ZSCAN20: variants seen among roughly 807,000 people sequenced by gnomAD.
ZSCAN20 encodes the protein zinc finger and SCAN domain-containing protein 20.
A neutral mutation model predicts 97.1 loss-of-function variants in ZSCAN20; 39 were observed. That is an observed-to-expected ratio of 0.40 (90% confidence interval 0.31 to 0.52). ZSCAN20 has a LOEUF of 0.52. ZSCAN20 is among the 20% of genes least tolerant of loss of function. The probability of loss-of-function intolerance (pLI) is 0.49; values close to 1 mark genes in which losing one functional copy is unlikely to be tolerated. For synonymous variants in ZSCAN20, 456 were observed against 467.3 expected (o/e 0.98, Z 0.31); for missense variants, 1,115 against 1,290.4 (o/e 0.86, Z 2.08).
rs1454870040 is a variant in ZSCAN20 at position 33,494,206 on chromosome 1, C to T, written c.1874-12C>T. On this transcript the variant is annotated splice_polypyrimidine_tract_variant and intron_variant, in intron 7 of 7. Coordinates refer to ENST00000684572, the MANE Select transcript of ZSCAN20 (RefSeq NM_001377376.1). ...GAGTGAAGAAAAACTGCATTTCTGT[C>T]CATTTTTTCAGGTTTTGAAATGAGG... 1.3e-6 allele frequency: 2 copies of T among 1,544,224 alleles called. No homozygotes were observed. The highest frequency in any genetic ancestry group is 1.7e-6 in the Non-Finnish European group (2 of 1,147,236).
Position 33,495,271 on chromosome 1 carries a change from C to T in ZSCAN20, c.2927C>T (p.Thr976Ile), listed in dbSNP as rs760338598. 12 of 1,611,820 alleles carry T rather than the reference C, an allele frequency of 7.4e-6. No homozygotes were observed. Among genetic ancestry groups the T allele is most frequent in the Non-Finnish European group, 1.0e-5 (12 of 1,178,630 alleles). ...TTCCGTGACCGTTCTAACCTCATTACTCACCAGAGGATTCATACGGGAGAG... is the reference window on the plus strand; with the variant it reads ...TTCCGTGACCGTTCTAACCTCATTATTCACCAGAGGATTCATACGGGAGAG... ...KFFRDRSNLI[T>I]HQRIHTGEKP... Residue 976 changes from threonine (T) to isoleucine (I), a missense_variant, in exon 8 of 8, where the codon ACT (threonine) becomes ATT (isoleucine). Transcript: ENST00000684572.
rs1557443763 is a variant in ZSCAN20, at chr1:33,491,541, C to A, written c.1283C>A (p.Pro428His). Residue 428 changes from proline (P) to histidine (H), a missense_variant, in exon 6 of 8, where the codon CCC becomes CAC. Transcript: ENST00000684572. The surrounding 1 kb of genome is among the most constrained non-coding windows in gnomAD (Gnocchi z 4.3). ...GGCCCAGGAGAGGCCGTGGCACTTC[C>A]CAGGCTCGGGTATAGTGACGCAGAG... ...TDGPGEAVAL[P>H]RLGYSDAEMD... 1.2e-6 allele frequency: 2 copies of A among 1,614,046 alleles called. 1 individual carries two copies. The highest frequency in any genetic ancestry group is 1.7e-6 in the Non-Finnish European group (2 of 1,179,948).
At chr1:33,489,849 C>T (rs576870914) in intron 5 of ZSCAN20, among the ~76,000 whole-genome samples, 2 of 152,244 alleles carry the variant, frequency 1.3e-5, no homozygotes, top group South Asian at 4.1e-4. Flanking sequence ...TACCTCAGTC[C>T]ATTCACCACA....
Position 33,495,402 on chromosome 1 carries a change from T to A in ZSCAN20, c.3058T>A (p.Cys1020Ser). The change falls in exon 8 of 8, where the codon TGT becomes AGT. Residue 1020 changes from cysteine to serine, a missense_variant. Cys to Ser is a moderately radical substitution (Grantham distance 112, BLOSUM62 -1). This residue lies in a region of ZSCAN20 where 554 missense variants were observed against 584.9 expected (regional missense o/e 0.95). Transcript: ENST00000684572. ...TGEKPYKCTE[C>S]GKDFNNSSHF... ...GGAGAAACCCTACAAGTGCACAGAG[T>A]GTGGCAAAGACTTCAACAACAGTTC... The A allele has an allele frequency of 6.2e-7, 1 of 1,601,714 alleles. No individual in the cohort carries two copies. The highest frequency in any genetic ancestry group is 8.5e-7 in the Non-Finnish European group (1 of 1,173,722).
In ZSCAN20 at chr1:33,499,044, C is replaced by T. The variant is rs927433300; in HGVS notation, c.*3568C>T. Reference sequence around the variant, plus strand: ...GAAGCCGAGTAAAGCAGCTAGGGTCCCTCCATGCTAAATAATGTAGTCAGG... The same window carrying T: ...GAAGCCGAGTAAAGCAGCTAGGGTCTCTCCATGCTAAATAATGTAGTCAGG... On this transcript the variant is annotated 3_prime_UTR_variant, in exon 8 of 8. Coordinates refer to ENST00000684572, the MANE Select transcript of ZSCAN20 (RefSeq NM_001377376.1). Among the ~76,000 whole-genome samples, 3 of 152,322 alleles carry T rather than the reference C, an allele frequency of 2.0e-5. No individual in the cohort carries two copies. Among genetic ancestry groups the T allele is most frequent in the African/African-American group, 7.2e-5 (3 of 41,560 alleles).
rs776100968 is a variant in ZSCAN20, at chr1:33,491,355, C to A, written c.1097C>A (p.Ala366Glu). 1 of 1,614,122 alleles carries A rather than the reference C, an allele frequency of 6.2e-7. No homozygotes were observed. Among genetic ancestry groups the A allele is most frequent in the Non-Finnish European group, 8.5e-7 (1 of 1,179,980 alleles). ...VYRAIAEQLR[A>E]RGFLRTLEQC... is the part of the protein sequence containing the mutation. The stretch of plus-strand genomic sequence containing the variant: ...CGGGCCATTGCAGAGCAGCTAAGGG[C>A]AAGGGGCTTCCTGCGGACACTGGAG... The change falls in exon 6 of 8, where the codon GCA becomes GAA. Residue 366 changes from alanine to glutamate, a missense_variant. Around this residue, in one of 3 missense-constraint regions of ZSCAN20, gnomAD observed 508 missense variants for 611.2 expected, o/e 0.83. Coordinates refer to ENST00000684572, the MANE Select transcript of ZSCAN20 (RefSeq NM_001377376.1). This position sits in a 1 kb window ranked among gnomAD's most constrained non-coding sequence, Gnocchi z 4.3.
intron 2 of ZSCAN20, among the ~76,000 whole-genome samples, chr1:33,482,938 A>G (rs1557437854): frequency 6.6e-6 from 1 of 152,092 alleles, no homozygotes; most frequent in African/African-American, 2.4e-5. Context: ...GAGTTTTAAG[A>G]GTTCTTTGTA....
At chr1:33,475,960 G>A (rs569833758) in intron 1 of ZSCAN20, among the ~76,000 whole-genome samples, 17 of 152,052 alleles carry the variant, frequency 1.1e-4, no homozygotes, top group African/African-American at 3.9e-4. Flanking sequence ...GAGCCACCGC[G>A]CCCGGCCCTC....
chr1:33,489,376 A>G, intron 4 of ZSCAN20, 142 bp from the exon 5 acceptor site: 1 of 997,162 alleles, frequency 1.0e-6, no homozygotes, highest in South Asian at 1.5e-5. Context: ...TATGTACCAA[A>G]TGGCCATCCT....
intron 2 of ZSCAN20, among the ~76,000 whole-genome samples, chr1:33,485,715 T>A (rs533134077): frequency 6.6e-6 from 1 of 152,168 alleles, no homozygotes; most frequent in Non-Finnish European, 1.5e-5. Context: ...GCCTGGACTG[T>A]CTTTTTTCTT....
At position 33,493,075 on chromosome 1, in the gene ZSCAN20, G is replaced by GT; in HGVS notation, c.1445-109dup. The GT allele has an allele frequency of 8.8e-7, 1 of 1,142,556 alleles. No individual in the cohort carries two copies. Among genetic ancestry groups the GT allele is most frequent in the Non-Finnish European group, 1.2e-6 (1 of 806,016 alleles). 70.8% of individuals were successfully genotyped at this position (1,142,556 alleles called of 1,614,324 possible). On this transcript the variant is annotated intron_variant, in intron 6 of 7. Coordinates refer to ENST00000684572, the MANE Select transcript of ZSCAN20 (RefSeq NM_001377376.1). This position sits in a 1 kb window ranked among gnomAD's most constrained non-coding sequence, Gnocchi z 4.3. ...GGGATATTCTCCAGGTACCTGGATA[G>GT]TTTCTGACATGCCTATGTTCTAGGT... is the stretch of plus-strand genomic sequence containing the variant.
intron 2 of ZSCAN20, among the ~76,000 whole-genome samples, chr1:33,482,600 T>G (rs779629013): frequency 9.8e-5 from 15 of 152,332 alleles, no homozygotes; most frequent in Non-Finnish European, 2.1e-4. Context: ...GGGACATGAT[T>G]GCTGGATCAT....
chr1:33,481,277 G>T (rs1284448000), intron 2 of ZSCAN20, among the ~76,000 whole-genome samples: 10 of 152,096 alleles, frequency 6.6e-5, no homozygotes, highest in Admixed American at 6.5e-4. Context: ...TTCAGAGTTG[G>T]GACATAAAGA....
chr1:33,499,380 C>G lies in ZSCAN20; in HGVS notation c.*3904C>G, dbSNP rs1395025056. On this transcript the variant is annotated 3_prime_UTR_variant, in exon 8 of 8. Transcript: ENST00000684572. ...TTTTCCTTTCTTTCTCTCTTTTCTTCTGTGTAGATGCTAATGACTTCCAGA... is the reference window on the plus strand; with the variant it reads ...TTTTCCTTTCTTTCTCTCTTTTCTTGTGTGTAGATGCTAATGACTTCCAGA... 6.6e-6 allele frequency among the ~76,000 whole-genome samples: 1 copy of G among 152,084 alleles called. No homozygotes were observed. Among genetic ancestry groups the G allele is most frequent in the African/African-American group, 2.4e-5 (1 of 41,416 alleles).
Position 33,495,438 on chromosome 1 carries a change from G to A in ZSCAN20, c.3094G>A (p.Ala1032Thr). 1 of 1,565,558 alleles carries A rather than the reference G, an allele frequency of 6.4e-7. No individual in the cohort carries two copies. Among genetic ancestry groups the A allele is most frequent in the Non-Finnish European group, 8.7e-7 (1 of 1,155,516 alleles). The part of the protein sequence containing the change: ...KDFNNSSHFS[A>T]HRRTHAGGKA... ...CTTCAACAACAGTTCCCACTTCAGT[G>A]CTCACCGGAGAACCCATGCAGGAGG... is the stretch of plus-strand genomic sequence containing the variant. Residue 1032 changes from alanine (A) to threonine (T), a missense_variant, in exon 8 of 8, where the codon GCT becomes ACT. By Grantham distance (58) the Ala-to-Thr change is moderately conservative (BLOSUM62 0). Around this residue, in one of 3 missense-constraint regions of ZSCAN20, gnomAD observed 554 missense variants for 584.9 expected, o/e 0.95. Coordinates refer to ENST00000684572, the MANE Select transcript of ZSCAN20 (RefSeq NM_001377376.1).
In ZSCAN20 at chr1:33,479,527, T is replaced by C; in HGVS notation, c.239T>C (p.Leu80Pro). 1 of 1,613,222 alleles carries C rather than the reference T, an allele frequency of 6.2e-7. No individual in the cohort carries two copies. The highest frequency in any genetic ancestry group is 8.5e-7 in the Non-Finnish European group (1 of 1,179,408). The change falls in exon 2 of 8, where the codon CTG becomes CCG. Residue 80 changes from leucine (L) to proline (P), a missense_variant. This residue lies in a region of ZSCAN20 where 508 missense variants were observed against 611.2 expected (regional missense o/e 0.83). Transcript: ENST00000684572. ...SQLWALCCRW[L>P]RPEIRLKEQI... ...CTCTGGGCTCTCTGCTGTCGTTGGC[T>C]GAGGCCGGAGATCCGTCTCAAAGAG...
chr1:33,488,684 C>T (rs753670331), intron 3 of ZSCAN20, 33 bp downstream of exon 3: 1 of 1,592,174 alleles, frequency 6.3e-7, no homozygotes, highest in Non-Finnish European at 8.5e-7. Context: ...GGGAATGAGG[C>T]CTTCTGCAGG....
chr1:33,487,276 A>AAAATTG (rs1363874615), intron 2 of ZSCAN20, among the ~76,000 whole-genome samples: 4 of 152,222 alleles, frequency 2.6e-5, no homozygotes, highest in Non-Finnish European at 5.9e-5. Context: ...TCTATTGAAA[A>AAAATTG]AAATTGAAAT....
At chr1:33,490,859 C>T (rs768521926) in intron 5 of ZSCAN20, among the ~76,000 whole-genome samples, 166 bp from the exon 6 acceptor site, 11 of 152,098 alleles carry the variant, frequency 7.2e-5, no homozygotes, top group Non-Finnish European at 1.3e-4. Context: ...ATATATTGGT[C>T]GTGTTACCTC....
Sources: allele counts gnomAD v4.1 joint callset (sites outside exome capture counted in the v4.1 genomes callset), GRCh38; gene constraint gnomAD v4.1.1; regional missense constraint gnomAD v4.1.1; non-coding constraint Gnocchi (gnomAD v3.1); transcripts MANE v1.5; gene names NCBI Gene and HGNC (gene_info 2026-07-23, HGNC 2026-07-21).